Variants in MATN2 observed in about 807,000 individuals in gnomAD.
MATN2 encodes the protein matrilin 2, also known as matrilin-2.
Under a neutral mutation model 103.2 loss-of-function variants are expected in MATN2, and 69 were observed. That is an observed-to-expected ratio of 0.67 (90% CI 0.55 to 0.82). The LOEUF is 0.82. MATN2 is among the 40% of genes least tolerant of loss of function. The pLI, the probability that MATN2 is intolerant of heterozygous loss-of-function variation, is 0.00. For missense variants in MATN2, 1,023 were observed against 1,211.5 expected, an observed-to-expected ratio of 0.84 and a Z score of 2.31; for synonymous variants, 429 against 450.2, an observed-to-expected ratio of 0.95 and a Z score of 0.60.
chr8:98,017,887 T>C, intron 11 of MATN2, 107 bp from the exon 12 acceptor site: 1 of 1,255,420 alleles, frequency 8.0e-7, no homozygotes, highest in Non-Finnish European at 1.1e-6. Flanking sequence ...TGAGCTCAGG[T>C]GGCAGATAGA....
rs574899026 is a variant in MATN2, at chr8:97,931,899, C to T, written c.712+377C>T. Among the ~76,000 whole-genome samples the T allele has an allele frequency of 2.2e-4, 33 of 152,256 alleles. No individual in the cohort carries two copies. The highest frequency in any genetic ancestry group is 3.5e-4 in the Non-Finnish European group (24 of 68,002). On this transcript the variant is annotated intron_variant, in intron 3 of 18. Transcript: ENST00000254898. The surrounding 1 kb of genome is among the most constrained non-coding windows in gnomAD (Gnocchi z 4.1). ...TTAACTATTTGTAGAGACAACGTTT[C>T]GCCATGTTGCCCAGGCTGATCTGAA...
intron 2 of MATN2, among the ~76,000 whole-genome samples, chr8:97,889,002 C>T (rs929800694): frequency 1.3e-5 from 2 of 152,138 alleles, no homozygotes; most frequent in Non-Finnish European, 2.9e-5. Context: ...GAATGCCAAC[C>T]TTGGAACATT....
At chr8:97,901,042 G>A (rs957953413) in intron 2 of MATN2, among the ~76,000 whole-genome samples, 2 of 152,092 alleles carry the variant, frequency 1.3e-5, no homozygotes, top group Non-Finnish European at 2.9e-5. Flanking sequence ...TGGGGTCACC[G>A]GGGATACATC....
intron 5 of MATN2, among the ~76,000 whole-genome samples, chr8:97,969,926 T>G (rs1811602155): frequency 6.6e-6 from 1 of 152,048 alleles, no homozygotes; most frequent in Non-Finnish European, 1.5e-5. Flanking sequence ...TTAAAGAAAT[T>G]TGGTAGAAGT....
intron 13 of MATN2, chr8:98,025,826 C>T (rs1355999018): frequency 2.6e-6 from 1 of 384,876 alleles, no homozygotes; most frequent in African/African-American, 2.2e-5. Flanking sequence ...AAAGCCTCTC[C>T]ACACCCAAAT....
intron 5 of MATN2, among the ~76,000 whole-genome samples, chr8:97,975,365 C>A (rs960487562): frequency 4.6e-5 from 7 of 152,176 alleles, no homozygotes; most frequent in Non-Finnish European, 1.0e-4. Flanking sequence ...GAGTATGTGG[C>A]TTAGATTCAA....
At chr8:97,964,580 G>A (rs576489933) in intron 5 of MATN2, among the ~76,000 whole-genome samples, 9 of 150,292 alleles carry the variant, frequency 6.0e-5, no homozygotes, top group Non-Finnish European at 7.4e-5. Context: ...CTGGGACCAC[G>A]TGTGTGCACC....
intron 5 of MATN2, among the ~76,000 whole-genome samples, chr8:97,964,373 G>A (rs1206778421): frequency 6.6e-6 from 1 of 151,916 alleles, no homozygotes; most frequent in Non-Finnish European, 1.5e-5. Context: ...GATGGCCAGG[G>A]AACATTAAGA....
At chr8:97,942,109 G>A (rs987334882) in intron 4 of MATN2, among the ~76,000 whole-genome samples, 10 of 152,272 alleles carry the variant, frequency 6.6e-5, no homozygotes, top group African/African-American at 2.2e-4. Context: ...AGGAAGAGTT[G>A]GAGAGATAGG....
At chr8:98,018,496 G>T (rs1038867445) in intron 12 of MATN2, among the ~76,000 whole-genome samples, 1 of 152,174 alleles carries the variant, frequency 6.6e-6, no homozygotes, top group African/African-American at 2.4e-5. Flanking sequence ...GACCGTAAAA[G>T]TAAGGGCAAA....
chr8:97,884,264 C>T (rs1445590018), intron 1 of MATN2, among the ~76,000 whole-genome samples: 6 of 151,742 alleles, frequency 4.0e-5, no homozygotes, highest in Admixed American at 3.9e-4. Flanking sequence ...CCTCAGCCTT[C>T]CAAGTAGCTG....
intron 7 of MATN2, among the ~76,000 whole-genome samples, chr8:97,998,113 C>T (rs1158860236): frequency 6.6e-6 from 1 of 151,164 alleles, no homozygotes; most frequent in African/African-American, 2.4e-5. Flanking sequence ...AGCCACCACG[C>T]CCAGCCGAAA....
intron 10 of MATN2, among the ~76,000 whole-genome samples, chr8:98,010,699 C>T (rs1813131277): frequency 1.3e-5 from 2 of 152,194 alleles, no homozygotes; most frequent in South Asian, 2.1e-4. Flanking sequence ...AGACACACAA[C>T]TCTGGAAGTG....
intron 7 of MATN2, among the ~76,000 whole-genome samples, chr8:98,001,346 A>G (rs1019785926): frequency 1.3e-5 from 2 of 151,956 alleles, no homozygotes; most frequent in African/African-American, 4.8e-5. Flanking sequence ...CATCCTTGTC[A>G]CCTCTTGGTT....
chr8:97,936,261 C>T (rs778864006), intron 3 of MATN2, among the ~76,000 whole-genome samples: 9 of 152,164 alleles, frequency 5.9e-5, no homozygotes, highest in East Asian at 1.9e-4. Context: ...GCCACCTGGG[C>T]GAGATTGCTT....
At chr8:98,008,231 A>AT (rs938644755) in intron 10 of MATN2, among the ~76,000 whole-genome samples, 2 of 46,548 alleles carry the variant, frequency 4.3e-5, no homozygotes, top group East Asian at 6.3e-4. Context: ...TCTTGTCTCA[A>AT]TTAAAAAAAA....
chr8:97,977,062 C>A (rs1221724409), intron 5 of MATN2, among the ~76,000 whole-genome samples: 3 of 151,576 alleles, frequency 2.0e-5, no homozygotes, highest in African/African-American at 4.8e-5. Flanking sequence ...ATGGTGAAAC[C>A]CCGTTCCTAC....
At chr8:98,000,925 A>G (rs754114424) in intron 7 of MATN2, among the ~76,000 whole-genome samples, 1 of 152,250 alleles carries the variant, frequency 6.6e-6, no homozygotes, top group African/African-American at 2.4e-5. Context: ...GACTTCATCT[A>G]CGAGGTCACA....
At chr8:98,000,604 A>AAAAAAAAAGAAAAG (rs1554613598) in intron 7 of MATN2, among the ~76,000 whole-genome samples, 2 of 127,208 alleles carry the variant, frequency 1.6e-5, no homozygotes, top group Non-Finnish European at 3.3e-5. Context: ...CTCAAAAAAA[A>AAAAAAAAAGAAAAG]AAAAAAGAAA....
Sources: gnomAD v4.1 joint callset for allele counts (sites outside exome capture counted in the v4.1 genomes callset) on GRCh38, gnomAD v4.1.1 for gene constraint, Gnocchi (gnomAD v3.1) non-coding constraint, MANE v1.5 for transcripts, NCBI Gene and HGNC (gene_info 2026-07-23, HGNC 2026-07-21) for gene names.